The following FRMD5 variants were observed in gnomAD, a reference collection of about 807,000 sequenced individuals.
The protein encoded by FRMD5 is FERM domain containing 5, also known as FERM domain-containing protein 5.
FRMD5 carries 20 observed loss-of-function variants against 69.0 expected under a neutral mutation model. The observed-to-expected ratio is 0.29, with a 90% CI of 0.20 to 0.42. The LOEUF (loss-of-function observed/expected upper bound fraction) is 0.42, where lower values mean the gene tolerates loss of function less well. FRMD5 is among the 10% of genes least tolerant of loss of function. The pLI is 1.00. For synonymous variants in FRMD5, 271 were observed against 260.1 expected, an observed-to-expected ratio of 1.04 and a Z score of -0.40; for missense variants, 595 against 708.6, an observed-to-expected ratio of 0.84 and a Z score of 1.82.
At chr15:44,109,021 G>C (rs1170612861) in intron 1 of FRMD5, among the ~76,000 whole-genome samples, 1 of 106,068 alleles carries the variant, frequency 9.4e-6, no homozygotes, top group Non-Finnish European at 1.9e-5. Flanking sequence ...AAAATAAAAT[G>C]TTTGCCAATG....
chr15:44,147,202 C>T (rs1056485312), intron 1 of FRMD5, among the ~76,000 whole-genome samples: 1 of 152,114 alleles, frequency 6.6e-6, no homozygotes, highest in African/African-American at 2.4e-5. Context: ...CGATTTTCTG[C>T]ATATGGCTAG....
chr15:43,949,960 G>T (rs758509611), intron 1 of FRMD5, among the ~76,000 whole-genome samples: 1 of 152,190 alleles, frequency 6.6e-6, no homozygotes, highest in Admixed American at 6.5e-5. Context: ...GGCTTGGGAA[G>T]GGCACACGTG....
At chr15:44,033,249 G>A (rs1295671802) in intron 1 of FRMD5, among the ~76,000 whole-genome samples, 1 of 152,050 alleles carries the variant, frequency 6.6e-6, no homozygotes, top group African/African-American at 2.4e-5. Flanking sequence ...GAAGGGGGAG[G>A]ATGCGAGGAG....
rs2077956805 is a variant in FRMD5, at chr15:44,179,371, A to G, written c.102+15582T>C. Among the ~76,000 whole-genome samples the G allele has an allele frequency of 2.0e-5, 3 of 152,372 alleles. No individual in the cohort carries two copies. In the South Asian group the frequency reaches 6.2e-4, roughly 32 times the overall value. ...GTCTCTGATCCTAAAAGAAGTGCCT[A>G]CAATGGCAGAAACCAGTATTCACTA... On this transcript the variant is annotated intron_variant, in intron 1 of 13. Coordinates refer to ENST00000417257, the MANE Select transcript of FRMD5 (RefSeq NM_032892.5).
intron 8 of FRMD5, 31 bp from the exon 9 acceptor site, chr15:43,888,903 CAT>C: frequency 6.3e-7 from 1 of 1,597,428 alleles, no homozygotes; most frequent in Non-Finnish European, 8.6e-7. Flanking sequence ...CCTGTCACCT[CAT>C]TGTGGGCTGC....
chr15:44,010,586 T>C (rs966137737), intron 1 of FRMD5, among the ~76,000 whole-genome samples: 1 of 152,116 alleles, frequency 6.6e-6, no homozygotes, highest in African/African-American at 2.4e-5. Context: ...GGTTTCACCA[T>C]GTTGGCCAGG....
chr15:43,891,570 T>C (rs948064270), intron 8 of FRMD5, among the ~76,000 whole-genome samples: 4 of 152,096 alleles, frequency 2.6e-5, no homozygotes, highest in Non-Finnish European at 5.9e-5. Flanking sequence ...CCCTCCCTTG[T>C]TAGTAGAGCA....
intron 1 of FRMD5, among the ~76,000 whole-genome samples, chr15:44,185,461 C>T (rs1385840593): frequency 6.6e-6 from 1 of 152,158 alleles, no homozygotes; most frequent in Non-Finnish European, 1.5e-5. Context: ...GACCTACAAA[C>T]CTCCAATTCC....
chr15:44,171,188 C>T (rs1415773755), intron 1 of FRMD5, among the ~76,000 whole-genome samples: 2 of 152,124 alleles, frequency 1.3e-5, no homozygotes, highest in Admixed American at 1.3e-4. Flanking sequence ...TGCATAATAT[C>T]TGAATACAAA....
At chr15:44,004,722 A>C (rs1890361299) in intron 1 of FRMD5, among the ~76,000 whole-genome samples, 2 of 152,228 alleles carry the variant, frequency 1.3e-5, no homozygotes, top group African/African-American at 4.8e-5. Flanking sequence ...GCCAATTAAT[A>C]ACCTTTCAAT....
In FRMD5 at chr15:43,929,062, C is replaced by A. The variant is rs16948246; in HGVS notation, c.103-4753G>T. Among the ~76,000 whole-genome samples, 1,100 of 152,176 alleles carry A rather than the reference C, an allele frequency of 7.2e-3. 10 individuals are homozygous for A. Among genetic ancestry groups the A allele is most frequent in the African/African-American group, 0.025 (1,047 of 41,496 alleles). The stretch of plus-strand genomic sequence containing the variant: ...AAATACTAGTGCATATAGGTACAAC[C>A]CATTTATTCTCTCTATATGGTGCAC... On this transcript the variant is annotated intron_variant, in intron 1 of 13. Coordinates refer to ENST00000417257, the MANE Select transcript of FRMD5 (RefSeq NM_032892.5).
intron 1 of FRMD5, among the ~76,000 whole-genome samples, chr15:43,928,974 A>G (rs879586451): frequency 1.3e-5 from 2 of 152,238 alleles, no homozygotes; most frequent in African/African-American, 4.8e-5. Context: ...ATAACTTATT[A>G]AGCACTCGTT....
intron 11 of FRMD5, 56 bp from the exon 12 acceptor site, chr15:43,884,851 G>C: frequency 6.9e-7 from 1 of 1,441,834 alleles, no homozygotes; most frequent in Non-Finnish European, 9.8e-7. Context: ...TTGTAGGACA[G>C]CTCCTCTCCA....
chr15:44,022,041 GA>G (rs1260334382), intron 1 of FRMD5, among the ~76,000 whole-genome samples: 1 of 152,056 alleles, frequency 6.6e-6, no homozygotes, highest in African/African-American at 2.4e-5. Context: ...GACACAAAAG[GA>G]AAAATAATGA....
chr15:43,917,296 A>G (rs2089408274), intron 4 of FRMD5, among the ~76,000 whole-genome samples: 1 of 152,144 alleles, frequency 6.6e-6, no homozygotes, highest in Admixed American at 6.5e-5. Flanking sequence ...TGGCACCAGT[A>G]CCTCTTTTAG....
At position 44,160,263 on chromosome 15, in the gene FRMD5, G is replaced by A. The variant is rs148214395; in HGVS notation, c.102+34690C>T. On this transcript the variant is annotated intron_variant, in intron 1 of 13. Coordinates refer to ENST00000417257, the MANE Select transcript of FRMD5 (RefSeq NM_032892.5). Reference sequence around the variant, plus strand: ...CCCAGCTACTCAGGAGGCTGAGGCAGGAGAATCACTTGAACCCGGGAAGCA... The same window carrying A: ...CCCAGCTACTCAGGAGGCTGAGGCAAGAGAATCACTTGAACCCGGGAAGCA... Among the ~76,000 whole-genome samples, 597 of 152,320 alleles carry A rather than the reference G, an allele frequency of 3.9e-3. 5 individuals are homozygous for A. The highest frequency in any genetic ancestry group is 0.013 in the African/African-American group (558 of 41,566).
chr15:44,140,630 G>C (rs1036809688), intron 1 of FRMD5, among the ~76,000 whole-genome samples: 6 of 152,028 alleles, frequency 3.9e-5, no homozygotes, highest in African/African-American at 1.4e-4. Context: ...TGTAATCCCA[G>C]CACTTTAGGA....
chr15:44,108,965 A>AAAAATAAAATAAAATAAAAT (rs3986153), intron 1 of FRMD5, among the ~76,000 whole-genome samples: 1,788 of 136,852 alleles, frequency 0.013, 49 homozygotes, highest in East Asian at 0.073. Flanking sequence ...CTCTCTAAAT[A>AAAAATAAAATAAAATAAAAT]AAAATAAAAT....
intron 1 of FRMD5, among the ~76,000 whole-genome samples, chr15:44,170,395 C>T (rs558007981): frequency 7.9e-5 from 12 of 152,164 alleles, no homozygotes; most frequent in African/African-American, 2.6e-4. Flanking sequence ...TGGTGGCATA[C>T]ATCTCTAATC....
Sources: allele counts gnomAD v4.1 joint callset (sites outside exome capture counted in the v4.1 genomes callset), GRCh38; gene constraint gnomAD v4.1.1; transcripts MANE v1.5; gene names NCBI Gene and HGNC (gene_info 2026-07-23, HGNC 2026-07-21).